Variants in CCDC61 observed in about 807,000 individuals in gnomAD.
The protein encoded by CCDC61 is centrosomal protein CCDC61.
CCDC61 carries 55 observed loss-of-function variants against 63.0 expected under a neutral mutation model. The observed-to-expected ratio is 0.87, with a 90% CI of 0.70 to 1.09. The LOEUF (loss-of-function observed/expected upper bound fraction) is 1.09, where lower values mean the gene tolerates loss of function less well. Ranked by LOEUF, CCDC61 falls within the 50% of genes least tolerant of loss-of-function variation. The pLI is 0.00. For synonymous variants in CCDC61, 270 were observed against 317.0 expected (o/e 0.85, Z 1.58); for missense variants, 651 against 731.4 (o/e 0.89, Z 1.27).
chr19:46,016,885 TGGGCGGGCTGGGAGGCACTGGGCA>T lies in CCDC61; in HGVS notation c.1231+61_1232-74del, dbSNP rs1348305663. ...CGGGCTAGGCGGGACTGGGCGGGGC[TGGGCGGGCTGGGAGGCACTGGGCA>T]GGGCGGGCGGGCTGGGAGGGCCTGG... On this transcript the variant is annotated intron_variant, in intron 10 of 13. Coordinates refer to ENST00000595358, the MANE Select transcript of CCDC61 (RefSeq NM_001267723.2). This position sits in a 1 kb window ranked among gnomAD's most constrained non-coding sequence, Gnocchi z 7.2. 6 of 243,468 alleles carry T rather than the reference TGGGCGGGCTGGGAGGCACTGGGCA, an allele frequency of 2.5e-5. No homozygotes were observed. The highest frequency in any genetic ancestry group is 1.2e-4 in the East Asian group (1 of 8,508). The allele number at this position is 243,468 out of a possible 1,614,324, so 15.1% of individuals were successfully genotyped here.
Position 46,015,130 on chromosome 19 carries a change from G to C in CCDC61, c.633G>C (p.Ala211=). 1 of 1,292,152 alleles carries C rather than the reference G, an allele frequency of 7.7e-7. No homozygotes were observed. Among genetic ancestry groups the C allele is most frequent in the South Asian group, 2.3e-5 (1 of 42,842 alleles). 80.0% of individuals were successfully genotyped at this position (1,292,152 alleles called of 1,614,324 possible). Residue 211 remains alanine (A), a synonymous_variant, in exon 6 of 14, where the codon GCG becomes GCC. Coordinates refer to ENST00000595358, the MANE Select transcript of CCDC61 (RefSeq NM_001267723.2). The surrounding 1 kb of genome is among the most constrained non-coding windows in gnomAD (Gnocchi z 5.3). ...GCGAGGAGGCGCTGGCCGGGCGCGCGGCACGCCAGGAGGCCGAGGCGCTGC... is the reference window on the plus strand; with the variant it reads ...GCGAGGAGGCGCTGGCCGGGCGCGCCGCACGCCAGGAGGCCGAGGCGCTGC... ...RSREEALAGR[A]ARQEAEALRG...
chr19:45,998,243 A>G (rs1036771068), intron 1 of CCDC61, among the ~76,000 whole-genome samples: 2 of 152,258 alleles, frequency 1.3e-5, no homozygotes, highest in Admixed American at 1.3e-4. Context: ...GTGGCGCCCA[A>G]GGGCAGAAGG....
At chr19:46,006,434 G>C (rs890744615) in intron 3 of CCDC61, 125 bp from the exon 4 acceptor site, 1 of 876,294 alleles carries the variant, frequency 1.1e-6, no homozygotes, top group Non-Finnish European at 1.7e-6. Context: ...TTGATTGCCA[G>C]CCTTCGCGTA....
At position 46,016,755 on chromosome 19, in the gene CCDC61, T is replaced by C; in HGVS notation, c.1153T>C (p.Ser385Pro). The C allele has an allele frequency of 6.3e-7, 1 of 1,596,008 alleles. No individual in the cohort carries two copies. The highest frequency in any genetic ancestry group is 8.5e-7 in the Non-Finnish European group (1 of 1,172,126). ...CGGGGACGGTCCGTCCGTCTCCTGG[T>C]CTCGCCAGACCCAGCCCCCTGCTGC... The part of the protein sequence containing the change: ...GSGDGPSVSW[S>P]RQTQPPAALT... The change falls in exon 10 of 14, where the codon TCT (serine) becomes CCT (proline). Residue 385 changes from serine (S) to proline (P), a missense_variant. Ser to Pro is a moderately conservative substitution (Grantham distance 74). Transcript: ENST00000595358. The surrounding 1 kb of genome is among the most constrained non-coding windows in gnomAD (Gnocchi z 7.2).
intron 1 of CCDC61, among the ~76,000 whole-genome samples, chr19:45,998,204 C>T (rs957996433): frequency 2.0e-5 from 3 of 152,050 alleles, no homozygotes; most frequent in African/African-American, 4.8e-5. Flanking sequence ...GTGGTAGGGT[C>T]GGAGGTGGGG....
In CCDC61 at chr19:46,008,234, C is replaced by T. The variant is rs765045452; in HGVS notation, c.484C>T (p.Leu162=). The T allele has an allele frequency of 1.2e-6, 2 of 1,609,068 alleles. No homozygotes were observed. Among genetic ancestry groups the T allele is most frequent in the South Asian group, 1.1e-5 (1 of 90,670 alleles). ...GTCACTGAAGGAGGAACTGGGCCGC[C>T]TGCAAGGGCTGGATGGCCAGAACAC... The part of the protein sequence containing the change: ...IRSLKEELGR[L]QGLDGQNTRD... Residue 162 remains leucine (L), a synonymous_variant, in exon 5 of 14, where the codon CTG becomes TTG. Transcript: ENST00000595358.
chr19:46,008,251 C>T lies in CCDC61; in HGVS notation c.501C>T (p.Gly167=). ...EELGRLQGLD[G]QNTRDTRENE... The stretch of plus-strand genomic sequence containing the variant: ...TGGGCCGCCTGCAAGGGCTGGATGG[C>T]CAGAACACTCGGGACACCCGGGAGA... The change falls in exon 5 of 14, where the codon GGC becomes GGT. Residue 167 remains glycine (G), a synonymous_variant. Transcript: ENST00000595358. 2 of 1,609,128 alleles carry T rather than the reference C, an allele frequency of 1.2e-6. No homozygotes were observed. Among genetic ancestry groups the T allele is most frequent in the Non-Finnish European group, 1.7e-6 (2 of 1,177,212 alleles).
rs1013762491 is a variant in CCDC61 at position 46,003,421 on chromosome 19, A to G, written c.151A>G (p.Ile51Val). 12 of 1,605,332 alleles carry G rather than the reference A, an allele frequency of 7.5e-6. No individual in the cohort carries two copies. The highest frequency in any genetic ancestry group is 1.0e-5 in the Non-Finnish European group (12 of 1,175,076). The change falls in exon 3 of 14, where the codon ATT (isoleucine) becomes GTT (valine). Residue 51 changes from isoleucine (I) to valine (V), a missense_variant and splice_region_variant. Transcript: ENST00000595358. ...QWRGEFDAGFIEDLTHKTGNF... is the reference protein window; with the variant it reads ...QWRGEFDAGFVEDLTHKTGNF... ...GAGAGACTTTTCTCCCCACCCAGTC[A>G]TTGAAGATTTGACTCACAAGACAGG...
At chr19:46,011,833 C>T (rs774023625) in intron 5 of CCDC61, among the ~76,000 whole-genome samples, 7 of 152,166 alleles carry the variant, frequency 4.6e-5, no homozygotes, top group Non-Finnish European at 5.9e-5. Flanking sequence ...GACCGAGTCT[C>T]GCACTGTCAC....
Position 46,003,076 on chromosome 19 carries a change from G to A in CCDC61, c.58G>A (p.Val20Met), listed in dbSNP as rs770958248. 3.7e-6 allele frequency: 6 copies of A among 1,608,164 alleles called. No homozygotes were observed. Among genetic ancestry groups the A allele is most frequent in the African/African-American group, 1.3e-5 (1 of 74,856 alleles). Residue 20 changes from valine (V) to methionine (M), a missense_variant, in exon 2 of 14, where the codon GTG becomes ATG. Val to Met is a conservative substitution (Grantham distance 21). Coordinates refer to ENST00000595358, the MANE Select transcript of CCDC61 (RefSeq NM_001267723.2). Reference sequence around the variant, plus strand: ...CGTCTTCCGGGGTGTGGAGCATGCCGTGCGGGTGATGGTTTCTGGGCAGGT... The same window carrying A: ...CGTCTTCCGGGGTGTGGAGCATGCCATGCGGGTGATGGTTTCTGGGCAGGT... ...DYVFRGVEHA[V>M]RVMVSGQVLE...
At position 46,016,515 on chromosome 19, in the gene CCDC61, C is replaced by T. The variant is rs1328478084; in HGVS notation, c.1091+122C>T. 46 of 1,385,536 alleles carry T rather than the reference C, an allele frequency of 3.3e-5. No homozygotes were observed. Among genetic ancestry groups the T allele is most frequent in the Non-Finnish European group, 4.4e-5 (44 of 1,003,386 alleles). 85.8% of individuals were successfully genotyped at this position (1,385,536 alleles called of 1,614,324 possible). On this transcript the variant is annotated intron_variant, in intron 9 of 13. Transcript: ENST00000595358. The surrounding 1 kb of genome is among the most constrained non-coding windows in gnomAD (Gnocchi z 7.2). ...CCACCTGCTCGCTTCTCGCCGGATA[C>T]CCCGCCTGCTCTCCCTTCCGTCCGT...
chr19:46,015,135 G>A lies in CCDC61; in HGVS notation c.638G>A (p.Arg213His), dbSNP rs905690141. 1.6e-6 allele frequency: 2 copies of A among 1,282,078 alleles called. No individual in the cohort carries two copies. Among genetic ancestry groups the A allele is most frequent in the African/African-American group, 1.6e-5 (1 of 64,230 alleles). 79.4% of individuals were successfully genotyped at this position (1,282,078 alleles called of 1,614,324 possible). A position where few individuals can be genotyped will look rare whatever the true frequency, so the allele number is the denominator to read the frequency against. Residue 213 changes from arginine (R) to histidine (H), a missense_variant, in exon 6 of 14, where the codon CGC becomes CAC. Physicochemically the swap from Arg to His is conservative, Grantham distance 29. Coordinates refer to ENST00000595358, the MANE Select transcript of CCDC61 (RefSeq NM_001267723.2). The surrounding 1 kb of genome is among the most constrained non-coding windows in gnomAD (Gnocchi z 5.3). ...GAGGCGCTGGCCGGGCGCGCGGCACGCCAGGAGGCCGAGGCGCTGCGCGGG... is the reference window on the plus strand; with the variant it reads ...GAGGCGCTGGCCGGGCGCGCGGCACACCAGGAGGCCGAGGCGCTGCGCGGG... ...REEALAGRAARQEAEALRGLV... is the reference protein window; with the variant it reads ...REEALAGRAAHQEAEALRGLV...
intron 5 of CCDC61, among the ~76,000 whole-genome samples, chr19:46,009,598 CTGT>C (rs1460344826): frequency 8.5e-5 from 13 of 152,194 alleles, no homozygotes; most frequent in East Asian, 3.9e-4. Flanking sequence ...CGCCGAGCCT[CTGT>C]TGTTTCCCCA....
At chr19:46,003,819 ACGTGTGTG>A (rs1456764879) in intron 3 of CCDC61, among the ~76,000 whole-genome samples, 1,108 of 110,638 alleles carry the variant, frequency 0.01, 12 homozygotes, top group African/African-American at 0.038. Context: ...GTTTCCAAAT[ACGTGTGTG>A]TGTGTGTGTG....
At chr19:46,001,936 C>T (rs921740789) in intron 1 of CCDC61, among the ~76,000 whole-genome samples, 5 of 152,150 alleles carry the variant, frequency 3.3e-5, no homozygotes, top group African/African-American at 1.2e-4. Flanking sequence ...ATTGTATTTT[C>T]TGATATTAGA....
At chr19:46,007,312 A>C (rs1968731186) in intron 4 of CCDC61, among the ~76,000 whole-genome samples, 1 of 152,116 alleles carries the variant, frequency 6.6e-6, no homozygotes, top group Non-Finnish European at 1.5e-5. Context: ...GCCTCTCAAA[A>C]GTACTGGGAT....
rs1349350993 is a variant in CCDC61, at chr19:46,018,002, G to T, written c.1369-76G>T. On this transcript the variant is annotated intron_variant, in intron 12 of 13. Coordinates refer to ENST00000595358, the MANE Select transcript of CCDC61 (RefSeq NM_001267723.2). The surrounding 1 kb of genome is among the most constrained non-coding windows in gnomAD (Gnocchi z 4.2). Reference sequence around the variant, plus strand: ...TTTTCCCCAAGGTCCTTAGGCTCAGGATTTCCAGTGGGATTTAGGGGGACA... The same window carrying T: ...TTTTCCCCAAGGTCCTTAGGCTCAGTATTTCCAGTGGGATTTAGGGGGACA... The T allele has an allele frequency of 7.5e-7, 1 of 1,337,294 alleles. No individual in the cohort carries two copies. Among genetic ancestry groups the T allele is most frequent in the Non-Finnish European group, 1.0e-6 (1 of 978,524 alleles). The allele number at this position is 1,337,294 out of a possible 1,614,324, so 82.8% of individuals were successfully genotyped here. A position where few individuals can be genotyped will look rare whatever the true frequency, so the allele number is the denominator to read the frequency against.
At position 46,003,412 on chromosome 19, in the gene CCDC61, C is replaced by T. The variant is rs368010716; in HGVS notation, c.149-7C>T. On this transcript the variant is annotated splice_polypyrimidine_tract_variant and splice_region_variant and intron_variant, in intron 2 of 13. Coordinates refer to ENST00000595358, the MANE Select transcript of CCDC61 (RefSeq NM_001267723.2). ...AGACCTCAGGAGAGACTTTTCTCCC[C>T]ACCCAGTCATTGAAGATTTGACTCA... The T allele has an allele frequency of 1.9e-6, 3 of 1,612,810 alleles. No homozygotes were observed. Among genetic ancestry groups the T allele is most frequent in the East Asian group, 4.5e-5 (2 of 44,876 alleles).
At position 46,015,009 on chromosome 19, in the gene CCDC61, C is replaced by A; in HGVS notation, c.552-40C>A. ...CCCCATGGAGTAGTGGGAATGGGGC[C>A]ATGCCTCTCTCTCCAGCGCTCTCTC... On this transcript the variant is annotated intron_variant, in intron 5 of 13. Transcript: ENST00000595358. The surrounding 1 kb of genome is among the most constrained non-coding windows in gnomAD (Gnocchi z 5.3). The A allele has an allele frequency of 6.8e-7, 1 of 1,467,032 alleles. No individual in the cohort carries two copies. Among genetic ancestry groups the A allele is most frequent in the Non-Finnish European group, 9.0e-7 (1 of 1,105,218 alleles). 90.9% of individuals were successfully genotyped at this position (1,467,032 alleles called of 1,614,324 possible).
Sources: allele counts gnomAD v4.1 joint callset (sites outside exome capture counted in the v4.1 genomes callset), GRCh38; gene constraint gnomAD v4.1.1; non-coding constraint Gnocchi (gnomAD v3.1); transcripts MANE v1.5; gene names NCBI Gene and HGNC (gene_info 2026-07-23, HGNC 2026-07-21).